The following RBFOX1 variants were observed in gnomAD, a reference collection of about 807,000 sequenced individuals.
RBFOX1 encodes RNA binding protein fox-1 homolog 1.
A neutral mutation model predicts 57.7 loss-of-function variants in RBFOX1; 8 were observed. The observed-to-expected ratio is 0.14, with a 90% CI of 0.08 to 0.25. The LOEUF (loss-of-function observed/expected upper bound fraction) is 0.25, where lower values mean the gene tolerates loss of function less well. RBFOX1 is among the 10% of genes least tolerant of loss of function. RBFOX1 has a pLI of 1.00. For missense variants in RBFOX1, 611 were observed against 548.5 expected (o/e 1.11, Z -1.14); for synonymous variants, 326 against 222.4 (o/e 1.47, Z -4.15).
At chr16:5,455,727 G>C (rs1567537671) in intron 1 of RBFOX1, among the ~76,000 whole-genome samples, 1 of 151,974 alleles carries the variant, frequency 6.6e-6, no homozygotes, top group African/African-American at 2.4e-5. Flanking sequence ...CATTCTCTTT[G>C]CCCATTCTCC....
At chr16:5,323,394 T>C (rs2064468195) in intron 1 of RBFOX1, among the ~76,000 whole-genome samples, 1 of 152,222 alleles carries the variant, frequency 6.6e-6, no homozygotes, top group African/African-American at 2.4e-5. Flanking sequence ...GAATGGGTCG[T>C]GACCCGCAGT....
rs142671629 is a variant in RBFOX1 at position 6,628,914 on chromosome 16, C to G, written c.-63-25689C>G. Among the ~76,000 whole-genome samples, 586 of 152,258 alleles carry G rather than the reference C, an allele frequency of 3.8e-3. 9 individuals are homozygous for G. The highest frequency in any genetic ancestry group is 0.013 in the African/African-American group (538 of 41,568). The stretch of plus-strand genomic sequence containing the variant: ...GTGTGGTGGCATGCGTCTGTAGTCC[C>G]AGCTACTAGGGAGGCTGAGACAGGA... On this transcript the variant is annotated intron_variant, in intron 2 of 15. Transcript: ENST00000550418.
At chr16:6,262,619 C>T (rs746700669) in intron 1 of RBFOX1, among the ~76,000 whole-genome samples, 28 of 152,042 alleles carry the variant, frequency 1.8e-4, no homozygotes, top group Non-Finnish European at 4.0e-4. Flanking sequence ...TTTATTTTCC[C>T]ACTTTCATTC....
At chr16:7,699,185 A>G (rs1404395362) in intron 14 of RBFOX1, among the ~76,000 whole-genome samples, 3 of 152,146 alleles carry the variant, frequency 2.0e-5, no homozygotes, top group African/African-American at 4.8e-5. Flanking sequence ...CTAACTGATC[A>G]ATCAGGGACC....
In RBFOX1 at chr16:6,589,267, T is replaced by G. The variant is rs745366678; in HGVS notation, c.-63-65336T>G. On this transcript the variant is annotated intron_variant, in intron 2 of 15. Transcript: ENST00000550418. ...TGCCTGCTGCCTAGACAAAGCTGTTTTATCAAGACAGGGAAATTGCAATAG... is the reference window on the plus strand; with the variant it reads ...TGCCTGCTGCCTAGACAAAGCTGTTGTATCAAGACAGGGAAATTGCAATAG... Among the ~76,000 whole-genome samples, 5 of 152,206 alleles carry G rather than the reference T, an allele frequency of 3.3e-5. 1 individual carries two copies. The highest frequency in any genetic ancestry group is 7.3e-5 in the Non-Finnish European group (5 of 68,032).
intron 1 of RBFOX1, among the ~76,000 whole-genome samples, chr16:6,175,504 G>A (rs544837990): frequency 6.6e-6 from 1 of 151,682 alleles, no homozygotes; most frequent in Admixed American, 6.6e-5. Flanking sequence ...TCTGTAGGTC[G>A]GGGGGGTGGG....
chr16:7,446,453 T>G (rs1223302903), intron 4 of RBFOX1, among the ~76,000 whole-genome samples: 1 of 152,232 alleles, frequency 6.6e-6, no homozygotes, highest in Non-Finnish European at 1.5e-5. Context: ...CTCACTGTTG[T>G]GGGGTGAGTG....
At chr16:6,740,046 A>T (rs1444060128) in intron 3 of RBFOX1, among the ~76,000 whole-genome samples, 5 of 152,222 alleles carry the variant, frequency 3.3e-5, no homozygotes, top group African/African-American at 9.6e-5. Flanking sequence ...GAATCTAACA[A>T]TATATAAAAA....
intron 14 of RBFOX1, among the ~76,000 whole-genome samples, chr16:7,703,881 G>C (rs1199400691): frequency 6.6e-6 from 1 of 152,208 alleles, no homozygotes; most frequent in Non-Finnish European, 1.5e-5. Context: ...AGCTGCATGT[G>C]ATTATATTAG....
At chr16:6,899,019 C>CCGTATAATG (rs59056535) in intron 3 of RBFOX1, among the ~76,000 whole-genome samples, 1 of 150,252 alleles carries the variant, frequency 6.7e-6, no homozygotes, top group African/African-American at 2.5e-5. Context: ...ATGCGCGTCT[C>CCGTATAATG]TGTGTGTGTG....
chr16:5,725,409 A>C (rs756105978), intron 3 of RBFOX1, among the ~76,000 whole-genome samples: 2 of 151,480 alleles, frequency 1.3e-5, no homozygotes, highest in Admixed American at 6.6e-5. Flanking sequence ...GCCCCCAGCT[A>C]ATTGCTTTTA....
At chr16:7,016,990 C>G (rs991224746) in intron 3 of RBFOX1, among the ~76,000 whole-genome samples, 1 of 152,132 alleles carries the variant, frequency 6.6e-6, no homozygotes, top group Admixed American at 6.6e-5. Flanking sequence ...ATTTTCATTT[C>G]CTGGTTGAGC....
intron 3 of RBFOX1, among the ~76,000 whole-genome samples, chr16:6,697,416 G>A (rs112788365): frequency 2.0e-4 from 30 of 152,236 alleles, no homozygotes; most frequent in Non-Finnish European, 4.0e-4. Flanking sequence ...ACATAAAAGG[G>A]AAATATACTG....
chr16:6,549,560 GGGGAGGAA>G (rs1567644410), intron 2 of RBFOX1, among the ~76,000 whole-genome samples: 4 of 144,856 alleles, frequency 2.8e-5, no homozygotes, highest in African/African-American at 7.7e-5. Flanking sequence ...GATGGGAGGA[GGGGAGGAA>G]GGGAGGAAGG....
chr16:6,291,955 G>T (rs1231339937), intron 1 of RBFOX1, among the ~76,000 whole-genome samples: 1 of 152,002 alleles, frequency 6.6e-6, no homozygotes, highest in Non-Finnish European at 1.5e-5. Context: ...ATGAATGTGT[G>T]TGTGTGTGTG....
chr16:5,287,201 A>G (rs1281282768), intron 1 of RBFOX1, among the ~76,000 whole-genome samples: 3 of 152,124 alleles, frequency 2.0e-5, no homozygotes, highest in African/African-American at 7.2e-5. Flanking sequence ...GCTATGTAGG[A>G]GGCTGAAGGG....
chr16:6,050,026 A>G (rs535432946), intron 1 of RBFOX1, among the ~76,000 whole-genome samples: 5 of 150,648 alleles, frequency 3.3e-5, no homozygotes, highest in African/African-American at 9.8e-5. Flanking sequence ...CGTGATCTCA[A>G]AGGCTCACTG....
chr16:7,409,861 A>T (rs2098405122), intron 4 of RBFOX1, among the ~76,000 whole-genome samples: 2 of 152,154 alleles, frequency 1.3e-5, no homozygotes. Flanking sequence ...CTGGGCAATG[A>T]AGAAATTGAA....
intron 1 of RBFOX1, among the ~76,000 whole-genome samples, chr16:5,290,148 A>G (rs2063497709): frequency 6.6e-6 from 1 of 152,234 alleles, no homozygotes; most frequent in Admixed American, 6.5e-5. Flanking sequence ...TTTCATTTAT[A>G]TGAAATGTCC....
Sources: gnomAD v4.1 joint callset for allele counts (sites outside exome capture counted in the v4.1 genomes callset) on GRCh38, gnomAD v4.1.1 for gene constraint, MANE v1.5 for transcripts, NCBI Gene and HGNC (gene_info 2026-07-23, HGNC 2026-07-21) for gene names.